BNC2: variants seen among roughly 807,000 people sequenced by gnomAD.
BNC2 encodes the protein basonuclin zinc finger protein 2.
BNC2 carries 20 observed loss-of-function variants against 76.3 expected under a neutral mutation model. The ratio of observed to expected loss-of-function variants is 0.26; its 90% confidence interval spans 0.18 to 0.38. The LOEUF (loss-of-function observed/expected upper bound fraction) is 0.38, where lower values mean the gene tolerates loss of function less well. BNC2 is among the 10% of genes least tolerant of loss of function. The pLI is 1.00. For synonymous variants in BNC2, 582 were observed against 514.8 expected, an observed-to-expected ratio of 1.13 and a Z score of -1.77; for missense variants, 1,382 against 1,399.8, an observed-to-expected ratio of 0.99 and a Z score of 0.20.
At chr9:16,864,008 T>TA (rs1819476057) in intron 1 of BNC2, among the ~76,000 whole-genome samples, 1 of 152,168 alleles carries the variant, frequency 6.6e-6, no homozygotes, top group Non-Finnish European at 1.5e-5. Context: ...TCAGAATTCT[T>TA]AAAAAGGTAA....
chr9:16,799,349 CT>C (rs1817729555), intron 1 of BNC2, among the ~76,000 whole-genome samples: 1 of 152,058 alleles, frequency 6.6e-6, no homozygotes, highest in Middle Eastern at 3.4e-3. Context: ...GAGTCTCACT[CT>C]CTCACCCAAA....
At chr9:16,499,057 C>T (rs1328874911) in intron 5 of BNC2, among the ~76,000 whole-genome samples, 1 of 150,010 alleles carries the variant, frequency 6.7e-6, no homozygotes, top group African/African-American at 2.5e-5. Flanking sequence ...TCAGCACTTA[C>T]AACAAACCAC....
chr9:16,679,647 C>A (rs537391396), intron 3 of BNC2, among the ~76,000 whole-genome samples: 1 of 152,332 alleles, frequency 6.6e-6, no homozygotes, highest in Admixed American at 6.5e-5. Context: ...GACAAGTTGT[C>A]CTCTGAAGGA....
chr9:16,529,099 A>G (rs1308205267), intron 5 of BNC2, among the ~76,000 whole-genome samples: 1 of 152,242 alleles, frequency 6.6e-6, no homozygotes, highest in African/African-American at 2.4e-5. Flanking sequence ...TAATCTCCTA[A>G]TATCTTACAC....
intron 5 of BNC2, among the ~76,000 whole-genome samples, chr9:16,492,466 A>G (rs1283000908): frequency 6.6e-6 from 1 of 152,238 alleles, no homozygotes; most frequent in Non-Finnish European, 1.5e-5. Context: ...CACCACTTCA[A>G]CTGATTAACT....
chr9:16,753,137 A>G (rs1313816882), intron 1 of BNC2, among the ~76,000 whole-genome samples: 1 of 57,742 alleles, frequency 1.7e-5, no homozygotes, highest in Non-Finnish European at 4.4e-5. Context: ...CAAACACAGC[A>G]GTTTGAATAG....
chr9:16,772,642 T>C (rs138218685), intron 1 of BNC2, among the ~76,000 whole-genome samples: 121 of 152,264 alleles, frequency 7.9e-4, no homozygotes, highest in African/African-American at 2.7e-3. Flanking sequence ...TGATCACAAA[T>C]CCATTTTGAA....
chr9:16,715,436 A>G (rs1823971992), intron 3 of BNC2, among the ~76,000 whole-genome samples: 2 of 152,222 alleles, frequency 1.3e-5, no homozygotes, highest in Non-Finnish European at 2.9e-5. Flanking sequence ...ATCACATGCA[A>G]TGAAACTATT....
intron 5 of BNC2, among the ~76,000 whole-genome samples, chr9:16,549,302 C>A (rs889031941): frequency 4.6e-5 from 7 of 152,240 alleles, no homozygotes; most frequent in Non-Finnish European, 4.4e-5. Flanking sequence ...CCCAGGAACA[C>A]AATCTGTAGC....
At chr9:16,552,983 G>A (rs1439140839) in intron 4 of BNC2, among the ~76,000 whole-genome samples, 1 of 152,046 alleles carries the variant, frequency 6.6e-6, no homozygotes, top group Admixed American at 6.5e-5. Context: ...AATTGGATGT[G>A]TTTATAAATT....
intron 3 of BNC2, among the ~76,000 whole-genome samples, chr9:16,665,430 AAAG>A (rs1437909825): frequency 9.0e-5 from 12 of 132,990 alleles, no homozygotes; most frequent in African/African-American, 2.9e-4. Context: ...GAAAGAAAGG[AAAG>A]AAAAGAAAGA....
chr9:16,638,799 T>A (rs1821402733), intron 3 of BNC2, among the ~76,000 whole-genome samples: 1 of 152,208 alleles, frequency 6.6e-6, no homozygotes, highest in Non-Finnish European at 1.5e-5. Context: ...TTATTTTAAA[T>A]GAGTAAAATT....
intron 1 of BNC2, among the ~76,000 whole-genome samples, chr9:16,849,535 T>C (rs1229523535): frequency 6.6e-6 from 1 of 151,844 alleles, no homozygotes; most frequent in Non-Finnish European, 1.5e-5. Context: ...ATTTTTGTAT[T>C]TTTAGTAGAG....
intron 5 of BNC2, among the ~76,000 whole-genome samples, chr9:16,501,372 T>G (rs1354926238): frequency 6.6e-6 from 1 of 152,188 alleles, no homozygotes; most frequent in African/African-American, 2.4e-5. Flanking sequence ...ACCTCTTGAC[T>G]GATGATAATA....
rs376908652 is a variant in BNC2 at position 16,660,599 on chromosome 9, G to A, written c.330+67198C>T. 4.6e-3 allele frequency among the ~76,000 whole-genome samples: 697 copies of A among 152,152 alleles called. 3 individuals carry two copies. Among genetic ancestry groups the A allele is most frequent in the African/African-American group, 0.015 (616 of 41,512 alleles). Reference sequence around the variant, plus strand: ...TTCACAAACAAAGCCAAACTTTATTGGATAGCAGAAAAAGAGAAAGGACAA... The same window carrying A: ...TTCACAAACAAAGCCAAACTTTATTAGATAGCAGAAAAAGAGAAAGGACAA... On this transcript the variant is annotated intron_variant, in intron 3 of 6. Transcript: ENST00000380672.
intron 5 of BNC2, among the ~76,000 whole-genome samples, chr9:16,490,322 C>T (rs1276521249): frequency 6.6e-6 from 1 of 152,160 alleles, no homozygotes; most frequent in African/African-American, 2.4e-5. Flanking sequence ...ATAAACCCAT[C>T]AGATCTGGAG....
At chr9:16,482,420 A>G (rs1443554648) in intron 5 of BNC2, among the ~76,000 whole-genome samples, 1 of 152,140 alleles carries the variant, frequency 6.6e-6, no homozygotes, top group African/African-American at 2.4e-5. Context: ...AAAAAATGCT[A>G]TAAATAGTCA....
intron 1 of BNC2, among the ~76,000 whole-genome samples, chr9:16,844,158 G>A (rs1314886787): frequency 6.8e-5 from 10 of 147,310 alleles, no homozygotes; most frequent in East Asian, 2.0e-4. Context: ...TTTTTTTTAC[G>A]TTACAAAAAA....
intron 3 of BNC2, among the ~76,000 whole-genome samples, chr9:16,652,859 CCTT>C (rs2133964511): frequency 6.6e-6 from 1 of 152,184 alleles, no homozygotes; most frequent in South Asian, 2.1e-4. Flanking sequence ...AACTGAAACA[CCTT>C]CTACTTGGAG....
Sources: gnomAD v4.1 joint callset for allele counts (sites outside exome capture counted in the v4.1 genomes callset) on GRCh38, gnomAD v4.1.1 for gene constraint, MANE v1.5 for transcripts, NCBI Gene and HGNC (gene_info 2026-07-23, HGNC 2026-07-21) for gene names.